The following PIBF1 variants were observed in gnomAD, a reference collection of about 807,000 sequenced individuals.
PIBF1 encodes the protein progesterone immunomodulatory binding factor 1, also known as progesterone-induced-blocking factor 1.
PIBF1 carries 90 observed loss-of-function variants against 112.5 expected under a neutral mutation model. That is an observed-to-expected ratio of 0.80 (90% CI 0.67 to 0.95). The LOEUF (loss-of-function observed/expected upper bound fraction) is 0.95. PIBF1 is among the 40% of genes least tolerant of loss of function. The pLI is 0.00. For missense variants in PIBF1, 915 were observed against 852.3 expected (o/e 1.07, Z -0.92); for synonymous variants, 301 against 288.6 (o/e 1.04, Z -0.44).
chr13:72,996,530 AT>A (rs1274470513), intron 16 of PIBF1, among the ~76,000 whole-genome samples: 3 of 152,078 alleles, frequency 2.0e-5, no homozygotes, highest in Non-Finnish European at 4.4e-5. Context: ...GCTCATGCCT[AT>A]AATCCCAGCA....
intron 16 of PIBF1, among the ~76,000 whole-genome samples, chr13:72,987,858 A>ATTTT (rs55999445): frequency 6.0e-4 from 35 of 58,088 alleles, no homozygotes; most frequent in African/African-American, 2.6e-3. Flanking sequence ...TTATTTATTT[A>ATTTT]TTTTTTTTTT....
intron 2 of PIBF1, among the ~76,000 whole-genome samples, chr13:72,790,298 A>G (rs2034829718): frequency 6.6e-6 from 1 of 152,148 alleles, no homozygotes; most frequent in Non-Finnish European, 1.5e-5. Context: ...GGGGCCATTT[A>G]TAAGAATGGA....
At chr13:72,798,453 A>G (rs2035305802) in intron 5 of PIBF1, among the ~76,000 whole-genome samples, 1 of 152,220 alleles carries the variant, frequency 6.6e-6, no homozygotes, top group African/African-American at 2.4e-5. Context: ...TGCAGGTGCC[A>G]TAAGAAAGAA....
chr13:72,844,915 C>T (rs923833923), intron 9 of PIBF1, among the ~76,000 whole-genome samples: 4 of 150,628 alleles, frequency 2.7e-5, no homozygotes, highest in Admixed American at 6.6e-5. Context: ...AGCCACCATT[C>T]CCAGACAAGC....
At chr13:72,987,858 A>ATTTATTTTTTTTT (rs1345167411) in intron 16 of PIBF1, among the ~76,000 whole-genome samples, 6 of 58,134 alleles carry the variant, frequency 1.0e-4, no homozygotes, top group African/African-American at 5.6e-4. Context: ...TTATTTATTT[A>ATTTATTTTTTTTT]TTTTTTTTTT....
intron 14 of PIBF1, among the ~76,000 whole-genome samples, chr13:72,949,300 C>CTTTTTTTTTTTTTTTTTTTTTTTGTTTTT (rs2042233323): frequency 1.8e-5 from 1 of 54,954 alleles, no homozygotes; most frequent in African/African-American, 7.2e-5. Context: ...AAATAGCTGT[C>CTTTTTTTTTTTTTTTTTTTTTTTGTTTTT]TTTTTTTTTT....
intron 15 of PIBF1, among the ~76,000 whole-genome samples, chr13:72,968,334 CTT>C (rs1027736662): frequency 6.6e-6 from 1 of 151,380 alleles, no homozygotes; most frequent in African/African-American, 2.4e-5. Flanking sequence ...GAGTTTCACT[CTT>C]GTCACCCAGA....
chr13:73,000,981 A>AT (rs1162016562), intron 17 of PIBF1, among the ~76,000 whole-genome samples: 3 of 152,120 alleles, frequency 2.0e-5, no homozygotes, highest in Admixed American at 1.3e-4. Context: ...AATAAGGGAA[A>AT]TTTTTTTCAA....
chr13:72,969,975 A>G (rs1271718310), intron 15 of PIBF1, among the ~76,000 whole-genome samples: 1 of 152,180 alleles, frequency 6.6e-6, no homozygotes, highest in Non-Finnish European at 1.5e-5. Context: ...GAAAATTCCT[A>G]TTCCTCATTG....
At chr13:72,927,461 G>A (rs1010819341) in intron 13 of PIBF1, among the ~76,000 whole-genome samples, 2 of 151,914 alleles carry the variant, frequency 1.3e-5, no homozygotes. Context: ...CCGAGATCGC[G>A]TCACTGCACT....
At chr13:72,786,990 A>T (rs1037185928) in intron 2 of PIBF1, among the ~76,000 whole-genome samples, 1 of 152,238 alleles carries the variant, frequency 6.6e-6, no homozygotes, top group African/African-American at 2.4e-5. Context: ...TGTAAAATGC[A>T]TTCCAATTTT....
chr13:72,996,723 C>T (rs1483781904), intron 16 of PIBF1, among the ~76,000 whole-genome samples: 1 of 151,622 alleles, frequency 6.6e-6, no homozygotes, highest in East Asian at 1.9e-4. Flanking sequence ...ACTGTGATCA[C>T]ACCATAGCAC....
At chr13:72,913,612 CAAAAAAA>C (rs536896578) in intron 12 of PIBF1, among the ~76,000 whole-genome samples, 3 of 151,794 alleles carry the variant, frequency 2.0e-5, no homozygotes, top group Non-Finnish European at 2.9e-5. Context: ...ACCATCTCTA[CAAAAAAA>C]TAAAAAATGA....
chr13:72,839,831 C>T (rs139250490), intron 9 of PIBF1, among the ~76,000 whole-genome samples: 2 of 152,220 alleles, frequency 1.3e-5, no homozygotes, highest in African/African-American at 4.8e-5. Context: ...ACCAACAGAG[C>T]CGTTTCTGGA....
At chr13:73,013,128 C>T (rs1162085331) in intron 17 of PIBF1, among the ~76,000 whole-genome samples, 2 of 151,214 alleles carry the variant, frequency 1.3e-5, no homozygotes, top group Admixed American at 6.6e-5. Context: ...GGTGAAACCC[C>T]GTCTCTACTA....
At chr13:72,823,143 A>G (rs749637152) in intron 6 of PIBF1, among the ~76,000 whole-genome samples, 5 of 152,172 alleles carry the variant, frequency 3.3e-5, no homozygotes, top group African/African-American at 2.4e-5. Flanking sequence ...TTATGATGCT[A>G]AGATGATACC....
chr13:72,973,489 T>C, intron 15 of PIBF1, 102 bp from the exon 16 acceptor site: 7 of 617,550 alleles, frequency 1.1e-5, no homozygotes. Context: ...TTATCTTTAG[T>C]TCAAACCATC....
intron 15 of PIBF1, among the ~76,000 whole-genome samples, chr13:72,971,462 T>C (rs1395723981): frequency 6.6e-6 from 1 of 152,158 alleles, no homozygotes; most frequent in Non-Finnish European, 1.5e-5. Context: ...GCACTCAGTT[T>C]CCTTTATACT....
At chr13:72,795,214 GTAAA>G (rs1161051173) in intron 3 of PIBF1, 141 bp from the exon 4 acceptor site, 1 of 606,284 alleles carries the variant, frequency 1.6e-6, no homozygotes, top group African/African-American at 1.9e-5. Flanking sequence ...ATTAATATGA[GTAAA>G]TAAGTATTTA....
Sources: allele counts gnomAD v4.1 joint callset (sites outside exome capture counted in the v4.1 genomes callset), GRCh38; gene constraint gnomAD v4.1.1; transcripts MANE v1.5; gene names NCBI Gene and HGNC (gene_info 2026-07-23, HGNC 2026-07-21).